The following USP35 variants were observed in gnomAD, a reference collection of about 807,000 sequenced individuals.
USP35 encodes ubiquitin carboxyl-terminal hydrolase 35.
Under a neutral mutation model 83.8 loss-of-function variants are expected in USP35, and 69 were observed. That is an observed-to-expected ratio of 0.82 (90% CI 0.68 to 1.01). The LOEUF (loss-of-function observed/expected upper bound fraction) is 1.01. USP35 is among the 50% of genes least tolerant of loss of function. The probability of loss-of-function intolerance (pLI) is 0.00; values close to 1 mark genes in which losing one functional copy is unlikely to be tolerated. For missense variants in USP35, 1,503 were observed against 1,362.5 expected, an observed-to-expected ratio of 1.10 and a Z score of -1.62; for synonymous variants, 714 against 589.5, an observed-to-expected ratio of 1.21 and a Z score of -3.06.
chr11:78,229,460 C>G, the USP35 span, among the ~76,000 whole-genome samples: 541 of 152,262 alleles, frequency 3.6e-3, 3 homozygotes, highest in African/African-American at 0.012. Flanking sequence ...CCTGCAATAA[C>G]CTTCAACATA....
the USP35 span, chr11:78,220,379 G>A: frequency 1.5e-4 from 243 of 1,612,742 alleles, 1 homozygote; most frequent in East Asian, 4.5e-3. Flanking sequence ...CAACGCTGCC[G>A]GTGCTCTTCT....
chr11:78,196,534 G>T lies in USP35; in HGVS notation c.289G>T (p.Gly97Cys). The T allele has an allele frequency of 8.2e-7, 1 of 1,223,752 alleles. No individual in the cohort carries two copies. Among genetic ancestry groups the T allele is most frequent in the Non-Finnish European group, 1.0e-6 (1 of 974,772 alleles). 75.8% of individuals were successfully genotyped at this position (1,223,752 alleles called of 1,614,324 possible). Residue 97 changes from glycine (G) to cysteine (C), a missense_variant, in exon 2 of 11, where the codon GGC (glycine) becomes TGC (cysteine). Coordinates refer to ENST00000529308, the MANE Select transcript of USP35 (RefSeq NM_020798.4). This position sits in a 1 kb window ranked among gnomAD's most constrained non-coding sequence, Gnocchi z 4.8. ...RLLQGGAGPP[G>C]PRALACVQLG... ...GCTGCAGGGTGGCGCCGGCCCCCCG[G>T]GCCCCCGCGCGCTCGCCTGCGTGCA...
chr11:78,197,748 G>A (rs1863197158), intron 2 of USP35, among the ~76,000 whole-genome samples, 188 bp from the exon 3 acceptor site: 1 of 152,246 alleles, frequency 6.6e-6, no homozygotes, highest in African/African-American at 2.4e-5. Flanking sequence ...CCAAGGCTGT[G>A]CTAGTGAAGG....
At chr11:78,201,478 C>T (rs1208048737) in intron 6 of USP35, among the ~76,000 whole-genome samples, 1 of 152,194 alleles carries the variant, frequency 6.6e-6, no homozygotes, top group Non-Finnish European at 1.5e-5. Flanking sequence ...CTGGTCGGAG[C>T]AGCTTTTGAA....
chr11:78,200,589 A>G, intron 5 of USP35, 61 bp from the exon 6 acceptor site: 2 of 1,548,820 alleles, frequency 1.3e-6, no homozygotes, highest in East Asian at 2.3e-5. Flanking sequence ...AGCAGGGACC[A>G]CAGCCCCGTG....
At chr11:78,213,510 A>C in intron 10 of USP35, 136 bp from the exon 11 acceptor site, 1 of 1,014,644 alleles carries the variant, frequency 9.9e-7, no homozygotes, top group Non-Finnish European at 1.3e-6. Flanking sequence ...ATATCCTGCC[A>C]CTGAGCTGCA....
chr11:78,210,649 G>A lies in USP35; in HGVS notation c.2794G>A (p.Glu932Lys), dbSNP rs763541941. The A allele has an allele frequency of 1.9e-6, 3 of 1,613,998 alleles. No homozygotes were observed. The highest frequency in any genetic ancestry group is 2.2e-5 in the East Asian group (1 of 44,882). The change falls in exon 10 of 11, where the codon GAG becomes AAG. Residue 932 changes from glutamate (E) to lysine (K), a missense_variant. Glu to Lys is a moderately conservative substitution (Grantham distance 56). Coordinates refer to ENST00000529308, the MANE Select transcript of USP35 (RefSeq NM_020798.4). ...CCGGCAGCGGCCCAGGGAGGGGCCC[G>A]AGGCTGAGTTGGGCTCTTCTAGAGT... is the stretch of plus-strand genomic sequence containing the variant. ...FYRQRPREGP[E>K]AELGSSRVRT...
chr11:78,195,777 C>G (rs946779346), intron 1 of USP35, among the ~76,000 whole-genome samples: 5 of 152,204 alleles, frequency 3.3e-5, no homozygotes, highest in African/African-American at 9.7e-5. Flanking sequence ...TTTGCTCAGG[C>G]TGGAGTGCAG....
chr11:78,212,460 C>G (rs1284970894), intron 10 of USP35, among the ~76,000 whole-genome samples: 1 of 149,182 alleles, frequency 6.7e-6, no homozygotes, highest in Non-Finnish European at 1.5e-5. Context: ...ATAGTTTTTT[C>G]TAATTCTGTG....
At chr11:78,219,219 G>A (rs2134448426), downstream of USP35, 5 of 1,567,042 alleles carry the variant, frequency 3.2e-6, no homozygotes, top group South Asian at 4.5e-5. Flanking sequence ...AGGGGAGATG[G>A]GAAGGGCCAG....
chr11:78,196,926 T>G lies in USP35; in HGVS notation c.673+8T>G. 1.4e-6 allele frequency: 2 copies of G among 1,444,182 alleles called. No individual in the cohort carries two copies. The highest frequency in any genetic ancestry group is 1.8e-6 in the Non-Finnish European group (2 of 1,102,074). 89.5% of individuals were successfully genotyped at this position (1,444,182 alleles called of 1,614,324 possible). A position where few individuals can be genotyped will look rare whatever the true frequency, so the allele number is the denominator to read the frequency against. On this transcript the variant is annotated splice_region_variant and intron_variant, in intron 2 of 10. Coordinates refer to ENST00000529308, the MANE Select transcript of USP35 (RefSeq NM_020798.4). The surrounding 1 kb of genome is among the most constrained non-coding windows in gnomAD (Gnocchi z 4.8). Reference sequence around the variant, plus strand: ...CAGTCATCTCCTGCGCAGGTGCGTGTGCGGCCGGGGCAGGAGCGCGGGCAT... The same window carrying G: ...CAGTCATCTCCTGCGCAGGTGCGTGGGCGGCCGGGGCAGGAGCGCGGGCAT...
the USP35 span, among the ~76,000 whole-genome samples, chr11:78,226,030 T>C: frequency 2.6e-5 from 4 of 152,238 alleles, no homozygotes; most frequent in African/African-American, 9.6e-5. Flanking sequence ...TCAAGTATGA[T>C]TTAGAAAATA....
chr11:78,229,643 A>G, the USP35 span, among the ~76,000 whole-genome samples: 1 of 152,184 alleles, frequency 6.6e-6, no homozygotes, highest in South Asian at 2.1e-4. Flanking sequence ...CTAACTTCCC[A>G]GTGTAAACAT....
chr11:78,195,489 T>C (rs573169234), intron 1 of USP35, among the ~76,000 whole-genome samples: 74 of 152,280 alleles, frequency 4.9e-4, no homozygotes, highest in African/African-American at 1.7e-3. Context: ...CGGTTCTCCC[T>C]TGGGGCCTCT....
chr11:78,191,156 TACACACACATACACAC>T (rs1862993003), intron 1 of USP35, among the ~76,000 whole-genome samples: 1 of 137,728 alleles, frequency 7.3e-6, no homozygotes, highest in African/African-American at 2.5e-5. Flanking sequence ...AGGAGTTGTG[TACACACACATACACAC>T]ACACACACAG....
intron 3 of USP35, 108 bp from the exon 4 acceptor site, chr11:78,199,485 GGT>G (rs1863268418): frequency 6.6e-7 from 1 of 1,521,420 alleles, no homozygotes. Context: ...GCCCTTTGCA[GGT>G]GTGAGTCAAT....
chr11:78,209,002 A>C, intron 9 of USP35, 39 bp downstream of exon 9: 1 of 1,599,274 alleles, frequency 6.3e-7, no homozygotes, highest in Non-Finnish European at 8.6e-7. Context: ...CCAGGTCTAG[A>C]GGGTCCTTGG....
chr11:78,226,367 G>T, the USP35 span: 1 of 964,814 alleles, frequency 1.0e-6, no homozygotes, highest in Non-Finnish European at 1.7e-6. Context: ...TGGTTCGTAA[G>T]TTCCCCTCGG....
chr11:78,208,990 C>T, intron 9 of USP35, 27 bp downstream of exon 9: 1 of 1,609,334 alleles, frequency 6.2e-7, no homozygotes. Flanking sequence ...TACGCGAAGA[C>T]TCCAGGTCTA....
Sources: allele counts gnomAD v4.1 joint callset (sites outside exome capture counted in the v4.1 genomes callset), GRCh38; gene constraint gnomAD v4.1.1; non-coding constraint Gnocchi (gnomAD v3.1); transcripts MANE v1.5; gene names NCBI Gene and HGNC (gene_info 2026-07-23, HGNC 2026-07-21).